Variants in RBM20 observed in about 807,000 individuals in gnomAD.
RBM20 encodes the protein RNA-binding protein 20.
A neutral mutation model predicts 110.1 loss-of-function variants in RBM20; 51 were observed. The ratio of observed to expected loss-of-function variants is 0.46; its 90% confidence interval spans 0.37 to 0.59. The LOEUF (loss-of-function observed/expected upper bound fraction) is 0.59, where lower values mean the gene tolerates loss of function less well. RBM20 is among the 20% of genes least tolerant of loss of function. The pLI, the probability that RBM20 is intolerant of heterozygous loss-of-function variation, is 0.00. For synonymous variants in RBM20, 589 were observed against 618.2 expected, an observed-to-expected ratio of 0.95 and a Z score of 0.70; for missense variants, 1,512 against 1,574.9, an observed-to-expected ratio of 0.96 and a Z score of 0.68.
At chr10:110,804,518 C>A (rs749956898) in intron 7 of RBM20, among the ~76,000 whole-genome samples, 50 of 152,174 alleles carry the variant, frequency 3.3e-4, no homozygotes, top group Non-Finnish European at 5.7e-4. Flanking sequence ...AGGTATTTTT[C>A]ATTTCCTCTC....
chr10:110,791,198 C>G (rs1004473821), intron 5 of RBM20, among the ~76,000 whole-genome samples: 1 of 152,242 alleles, frequency 6.6e-6, no homozygotes, highest in Non-Finnish European at 1.5e-5. Flanking sequence ...ATCTTGCTCT[C>G]TGCATAACAG....
intron 5 of RBM20, among the ~76,000 whole-genome samples, chr10:110,790,262 T>C (rs1463807719): frequency 6.6e-6 from 1 of 152,196 alleles, no homozygotes; most frequent in Non-Finnish European, 1.5e-5. Flanking sequence ...CCTGACTTCT[T>C]TGAGCATGAG....
At chr10:110,674,160 T>C (rs1452406608) in intron 1 of RBM20, among the ~76,000 whole-genome samples, 2 of 152,332 alleles carry the variant, frequency 1.3e-5, no homozygotes, top group East Asian at 3.9e-4. Flanking sequence ...AACTCATTTA[T>C]GGCTACTCAG....
intron 1 of RBM20, among the ~76,000 whole-genome samples, chr10:110,669,683 A>C (rs1411414474): frequency 6.6e-6 from 1 of 152,152 alleles, no homozygotes; most frequent in East Asian, 1.9e-4. Context: ...TGGCCTCCCA[A>C]AGTGTTGGGA....
At chr10:110,648,925 A>T (rs190327375) in intron 1 of RBM20, among the ~76,000 whole-genome samples, 1 of 152,358 alleles carries the variant, frequency 6.6e-6, no homozygotes, top group African/African-American at 2.4e-5. Context: ...CATTAGTCAC[A>T]GTAAAGGACT....
chr10:110,798,974 A>G lies in RBM20; in HGVS notation c.1669-813A>G, dbSNP rs576199769. Among the ~76,000 whole-genome samples, 19 of 152,380 alleles carry G rather than the reference A, an allele frequency of 1.2e-4. No individual in the cohort carries two copies. The East Asian group carries it at 1.9e-3, about 15-fold the overall frequency. ...TGGAACTCTCAGTAGACACAGGTTTAGTGGAAAAGCCCATTTGTCTGTGTT... is the reference window on the plus strand; with the variant it reads ...TGGAACTCTCAGTAGACACAGGTTTGGTGGAAAAGCCCATTTGTCTGTGTT... On this transcript the variant is annotated intron_variant, in intron 6 of 13. Transcript: ENST00000369519.
chr10:110,725,417 C>T (rs1843550436), intron 1 of RBM20, among the ~76,000 whole-genome samples: 1 of 152,198 alleles, frequency 6.6e-6, no homozygotes, highest in South Asian at 2.1e-4. Flanking sequence ...TTAAAAGTCC[C>T]AGATAAATTC....
intron 1 of RBM20, among the ~76,000 whole-genome samples, chr10:110,703,917 GCCTGGCCAAT>G (rs1862796565): frequency 1.3e-5 from 2 of 152,196 alleles, no homozygotes; most frequent in Non-Finnish European, 2.9e-5. Context: ...TTCGAGACCA[GCCTGGCCAAT>G]ATGGCGAAAC....
chr10:110,820,083 G>A lies in RBM20; in HGVS notation c.2562G>A (p.Glu854=), dbSNP rs1406959469. 3 of 1,549,048 alleles carry A rather than the reference G, an allele frequency of 1.9e-6. No individual in the cohort carries two copies. The highest frequency in any genetic ancestry group is 2.6e-6 in the Non-Finnish European group (3 of 1,145,370). ...CTTCCTTTGATAAGGCTGGAAAAGA[G>A]GAACAGGAGGGCATGGAAGAAAGCC... The part of the protein sequence containing the change: ...NTMAENEAGK[E]EQEGMEESPQ... The change falls in exon 10 of 14, where the codon GAG becomes GAA. Residue 854 remains glutamate (E), a synonymous_variant. Transcript: ENST00000369519.
intron 1 of RBM20, among the ~76,000 whole-genome samples, chr10:110,645,170 G>C (rs1861851454): frequency 6.6e-6 from 1 of 152,226 alleles, no homozygotes; most frequent in Non-Finnish European, 1.5e-5. Context: ...TTTTCGAAGA[G>C]TTTAGCTACG....
chr10:110,659,708 GTTC>G (rs922386762), intron 1 of RBM20, among the ~76,000 whole-genome samples: 2 of 150,528 alleles, frequency 1.3e-5, no homozygotes, highest in African/African-American at 4.9e-5. Flanking sequence ...AGCAATTTCT[GTTC>G]TTTTTTTTCT....
chr10:110,779,236 A>C (rs1170679737), intron 1 of RBM20, among the ~76,000 whole-genome samples: 1 of 152,188 alleles, frequency 6.6e-6, no homozygotes, highest in Admixed American at 6.5e-5. Flanking sequence ...CTCACCCCTA[A>C]CCTCAGGGAA....
At chr10:110,750,167 T>A (rs1417639) in intron 1 of RBM20, among the ~76,000 whole-genome samples, 116,677 of 152,130 alleles carry the variant, frequency 0.77, 45,227 homozygotes, top group Non-Finnish European at 0.82. Context: ...TTAATCCTGG[T>A]TGGTGGGGAC....
intron 1 of RBM20, among the ~76,000 whole-genome samples, chr10:110,684,013 G>A (rs181211820): frequency 1.2e-4 from 19 of 152,270 alleles, no homozygotes; most frequent in Admixed American, 3.9e-4. Context: ...ATTTTGGGGC[G>A]GCGGGAGATG....
intron 1 of RBM20, among the ~76,000 whole-genome samples, chr10:110,691,843 T>G (rs1862590332): frequency 6.6e-6 from 1 of 152,232 alleles, no homozygotes; most frequent in African/African-American, 2.4e-5. Context: ...CAAGAAGTCA[T>G]TGCCAAATCC....
chr10:110,665,597 G>T (rs544854476), intron 1 of RBM20, among the ~76,000 whole-genome samples: 1 of 152,006 alleles, frequency 6.6e-6, no homozygotes, highest in African/African-American at 2.4e-5. Context: ...TATAATTCTT[G>T]TTTGGGTCCT....
rs772863559 is a variant in RBM20, at chr10:110,831,198, C to T, written c.3573+16C>T. On this transcript the variant is annotated intron_variant, in intron 13 of 13. Transcript: ENST00000369519. ...GAACTTACAGGTAAAAATCCACTCT[C>T]CTTGCCCAGCATGCCAGGGGCTCCC... The T allele has an allele frequency of 2.1e-4, 324 of 1,549,106 alleles. 1 individual carries two copies. Among genetic ancestry groups the T allele is most frequent in the Middle Eastern group, 1.0e-3 (6 of 5,982 alleles).
intron 1 of RBM20, among the ~76,000 whole-genome samples, chr10:110,738,909 T>C (rs1843699733): frequency 1.3e-5 from 2 of 152,144 alleles, no homozygotes; most frequent in Admixed American, 1.3e-4. Flanking sequence ...CTGAGAACTC[T>C]CCAGATCTCG....
intron 1 of RBM20, among the ~76,000 whole-genome samples, chr10:110,767,737 C>G (rs972232171): frequency 3.3e-5 from 5 of 151,978 alleles, no homozygotes; most frequent in Non-Finnish European, 5.9e-5. Flanking sequence ...GATGGGCGGC[C>G]GGGCAGAGAC....
Sources: gnomAD v4.1 joint callset for allele counts (sites outside exome capture counted in the v4.1 genomes callset) on GRCh38, gnomAD v4.1.1 for gene constraint, MANE v1.5 for transcripts, NCBI Gene and HGNC (gene_info 2026-07-23, HGNC 2026-07-21) for gene names.